The following KIAA1549 variants were observed in gnomAD, a reference collection of about 807,000 sequenced individuals.
KIAA1549 encodes KIAA1549.
Under a neutral mutation model 156.4 loss-of-function variants are expected in KIAA1549, and 70 were observed. The ratio of observed to expected loss-of-function variants is 0.45; its 90% CI spans 0.37 to 0.55. The LOEUF is 0.55. Among genes scored for constraint, KIAA1549 ranks in the 20% least tolerant of loss-of-function variants. The probability of loss-of-function intolerance (pLI) is 0.00; values close to 1 mark genes in which losing one functional copy is unlikely to be tolerated. For synonymous variants in KIAA1549, 1,103 were observed against 1,066.4 expected, an observed-to-expected ratio of 1.03 and a Z score of -0.67; for missense variants, 2,428 against 2,540.9, an observed-to-expected ratio of 0.96 and a Z score of 0.96.
intron 1 of KIAA1549, among the ~76,000 whole-genome samples, chr7:138,972,898 T>C (rs1334475320): frequency 6.6e-6 from 1 of 152,186 alleles, no homozygotes; most frequent in Non-Finnish European, 1.5e-5. Context: ...CTCAGCTCAC[T>C]GTAACATCCG....
At chr7:138,853,944 G>GA (rs1164518110) in intron 16 of KIAA1549, among the ~76,000 whole-genome samples, 1 of 152,118 alleles carries the variant, frequency 6.6e-6, no homozygotes, top group Non-Finnish European at 1.5e-5. Context: ...CATATTAAGA[G>GA]AAAAACAATG....
intron 15 of KIAA1549, 132 bp downstream of exon 15, chr7:138,867,843 T>C: frequency 1.0e-6 from 1 of 965,838 alleles, no homozygotes; most frequent in Non-Finnish European, 1.5e-6. Context: ...CCCTGGTGCA[T>C]CAGCCATCAG....
chr7:138,925,573 A>G (rs964486921), intron 1 of KIAA1549, among the ~76,000 whole-genome samples: 4 of 151,948 alleles, frequency 2.6e-5, no homozygotes, highest in African/African-American at 9.7e-5. Context: ...TAATCCAAGC[A>G]CTCTGGTAGG....
chr7:138,912,315 C>T (rs1478401207), intron 3 of KIAA1549, 57 bp downstream of exon 3: 4 of 1,268,066 alleles, frequency 3.2e-6, no homozygotes, highest in Non-Finnish European at 3.5e-6. Context: ...TAACCTGGGG[C>T]TCTCACATCA....
intron 9 of KIAA1549, among the ~76,000 whole-genome samples, chr7:138,896,715 C>G (rs986796439): frequency 6.6e-6 from 1 of 151,938 alleles, no homozygotes; most frequent in African/African-American, 2.4e-5. Context: ...CTGCCTCAGA[C>G]CCCCCAAGTA....
At chr7:138,841,796 C>T (rs565256694) in intron 18 of KIAA1549, among the ~76,000 whole-genome samples, 5 of 151,926 alleles carry the variant, frequency 3.3e-5, no homozygotes, top group Non-Finnish European at 5.9e-5. Flanking sequence ...CTCTTCCTAG[C>T]CTCAACTGAT....
intron 10 of KIAA1549, among the ~76,000 whole-genome samples, chr7:138,883,272 CA>C (rs1292571753): frequency 0.017 from 972 of 56,290 alleles, 3 homozygotes; most frequent in Admixed American, 0.026. Context: ...GACTCCATCT[CA>C]AAAAAAAAAA....
At chr7:138,935,822 G>T (rs1812994638) in intron 1 of KIAA1549, among the ~76,000 whole-genome samples, 1 of 152,232 alleles carries the variant, frequency 6.6e-6, no homozygotes, top group South Asian at 2.1e-4. Flanking sequence ...TATATCAAGG[G>T]ATCAGGAGGC....
At chr7:138,839,954 A>ATTT (rs1309482097) in intron 19 of KIAA1549, among the ~76,000 whole-genome samples, 179 bp downstream of exon 19, 1 of 149,796 alleles carries the variant, frequency 6.7e-6, no homozygotes, top group African/African-American at 2.5e-5. Flanking sequence ...CGCCTGGCTA[A>ATTT]TTTTTTTTTG....
At chr7:138,838,206 C>G (rs141251926) in intron 19 of KIAA1549, 46 bp from the exon 20 acceptor site, 19,301 of 1,440,934 alleles carry the variant, frequency 0.013, 135 homozygotes, top group Middle Eastern at 0.015. Context: ...GAAGAATAAG[C>G]CGAAACATCA....
chr7:138,928,182 A>C (rs868022513), intron 1 of KIAA1549, among the ~76,000 whole-genome samples: 25 of 151,178 alleles, frequency 1.7e-4, no homozygotes, highest in South Asian at 1.3e-3. Flanking sequence ...CGGCCTCCCA[A>C]AGTGCTGGGA....
chr7:138,905,162 G>T, intron 6 of KIAA1549, 81 bp from the exon 7 acceptor site: 1 of 925,702 alleles, frequency 1.1e-6, no homozygotes, highest in Non-Finnish European at 1.7e-6. Context: ...CCAACACATC[G>T]TCTTTACTAT....
rs1377984350 is a variant in KIAA1549 at position 138,917,065 on chromosome 7, G to A, written c.2561C>T (p.Ala854Val). The A allele has an allele frequency of 1.1e-5, 17 of 1,607,962 alleles. No homozygotes were observed. Among genetic ancestry groups the A allele is most frequent in the Non-Finnish European group, 1.4e-5 (16 of 1,177,496 alleles). Residue 854 changes from alanine (A) to valine (V), a missense_variant, in exon 2 of 20, where the codon GCA becomes GTA. Ala to Val is a moderately conservative substitution (Grantham distance 64, BLOSUM62 0). Around this residue, in one of 5 missense-constraint regions of KIAA1549, gnomAD observed 762 missense variants for 901.6 expected, o/e 0.85. Coordinates refer to ENST00000422774, the MANE Select transcript of KIAA1549 (RefSeq NM_001164665.2). ...CTCTGTGGGCAGAGGGAAGGGGGTT[G>A]CTTCAGAAACAAACGAGGATCCTGA... ...LPSGSSFVSE[A>V]TPFPLPTELT...
intron 19 of KIAA1549, among the ~76,000 whole-genome samples, chr7:138,839,777 T>A (rs944251273): frequency 1.5e-5 from 2 of 132,708 alleles, no homozygotes; most frequent in African/African-American, 5.5e-5. Flanking sequence ...AGGGATTATG[T>A]CTTTTTTTTT....
intron 1 of KIAA1549, among the ~76,000 whole-genome samples, chr7:138,974,558 A>G (rs534244538): frequency 3.9e-5 from 6 of 152,094 alleles, no homozygotes; most frequent in African/African-American, 1.2e-4. Context: ...AGTAGCTGGG[A>G]TTACAGGCAC....
intron 10 of KIAA1549, among the ~76,000 whole-genome samples, chr7:138,891,904 A>C (rs1379247199): frequency 6.6e-6 from 1 of 152,224 alleles, no homozygotes; most frequent in Non-Finnish European, 1.5e-5. Context: ...TGAACTAAAG[A>C]CATTTGTTTT....
chr7:138,910,397 CTT>C lies in KIAA1549; in HGVS notation c.3145+747_3145+748del, dbSNP rs200459041. Among the ~76,000 whole-genome samples, 384 of 130,966 alleles carry C rather than the reference CTT, an allele frequency of 2.9e-3. 6 individuals carry two copies. The East Asian group carries it at 0.046, about 16-fold the overall frequency. The allele number at this position is 130,966 out of a possible 152,430, so 85.9% of individuals were successfully genotyped here. A position where few individuals can be genotyped will look rare whatever the true frequency, so the allele number is the denominator to read the frequency against. On this transcript the variant is annotated intron_variant, in intron 4 of 19. Transcript: ENST00000422774. ...TACAAAACATAATGTTTCTTAAATT[CTT>C]TTTTTTTTTTTTTTTTGAGATAGGG...
rs1809755706 is a variant in KIAA1549, at chr7:138,837,569, C to T, written c.*337G>A. On this transcript the variant is annotated 3_prime_UTR_variant, in exon 20 of 20. Transcript: ENST00000422774. ...ACGCTTGGTTCCTTTCATCCCTATG[C>T]TGTCTATACAGTTTAATCTCTACCT... is the stretch of plus-strand genomic sequence containing the variant. 2.3e-6 allele frequency: 1 copy of T among 428,454 alleles called. No individual in the cohort carries two copies. Among genetic ancestry groups the T allele is most frequent in the Admixed American group, 4.0e-5 (1 of 25,240 alleles). The allele number at this position is 428,454 out of a possible 1,614,324, so 26.5% of individuals were successfully genotyped here.
At chr7:138,916,641 C>T in intron 2 of KIAA1549, 107 bp downstream of exon 2, 2 of 1,504,002 alleles carry the variant, frequency 1.3e-6, no homozygotes, top group East Asian at 2.4e-5. Flanking sequence ...TAACTGAGCC[C>T]AGCGCCTCTG....
Sources: allele counts gnomAD v4.1 joint callset (sites outside exome capture counted in the v4.1 genomes callset), GRCh38; gene constraint gnomAD v4.1.1; regional missense constraint gnomAD v4.1.1; transcripts MANE v1.5; gene names NCBI Gene and HGNC (gene_info 2026-07-23, HGNC 2026-07-21).